The following NAA50 variants were observed in gnomAD, a reference collection of about 807,000 sequenced individuals.
NAA50 encodes N-alpha-acetyltransferase 50, NatE catalytic subunit, also known as N-alpha-acetyltransferase 50.
A neutral mutation model predicts 20.7 loss-of-function variants in NAA50; 7 were observed. The observed-to-expected ratio is 0.34, with a 90% CI of 0.19 to 0.63. The LOEUF (loss-of-function observed/expected upper bound fraction) is 0.63. Ranked by LOEUF, NAA50 falls within the 30% of genes least tolerant of loss-of-function variation. The pLI is 0.75. For missense variants in NAA50, 111 were observed against 199.1 expected (o/e 0.56, Z 2.66); for synonymous variants, 54 against 70.6 (o/e 0.77, Z 1.18).
At chr3:113,725,811 A>T (rs767741740) in intron 1 of NAA50, among the ~76,000 whole-genome samples, 5 of 131,022 alleles carry the variant, frequency 3.8e-5, no homozygotes, top group Non-Finnish European at 6.6e-5. Flanking sequence ...GAAATTTCTA[A>T]ATTTGATTTA....
At chr3:113,745,855 C>A in intron 1 of NAA50, 87 bp downstream of exon 1, 1 of 1,472,822 alleles carries the variant, frequency 6.8e-7, no homozygotes, top group Non-Finnish European at 9.2e-7. Flanking sequence ...CCCTGAATCT[C>A]TCCTCGCCTT....
At chr3:113,727,954 A>C (rs2107987192) in intron 1 of NAA50, among the ~76,000 whole-genome samples, 1 of 152,288 alleles carries the variant, frequency 6.6e-6, no homozygotes, top group East Asian at 1.9e-4. Context: ...GATATGTCTG[A>C]CTGAAATGGA....
At chr3:113,742,854 A>G (rs563534789) in intron 1 of NAA50, among the ~76,000 whole-genome samples, 1 of 152,316 alleles carries the variant, frequency 6.6e-6, no homozygotes, top group Non-Finnish European at 1.5e-5. Flanking sequence ...ATTGAAGGCT[A>G]AATGATTTGG....
At chr3:113,724,931 G>T (rs1220680764) in intron 1 of NAA50, among the ~76,000 whole-genome samples, 5 of 152,084 alleles carry the variant, frequency 3.3e-5, no homozygotes, top group Non-Finnish European at 2.9e-5. Flanking sequence ...CATGTTTATA[G>T]GTTTCCTGAG....
Position 113,717,939 on chromosome 3 carries a change from A to C in NAA50, c.*3821T>G, listed in dbSNP as rs749492896. ...TGAGCAGTGATAGCCAGTCTCCTAG[A>C]GGGCCCAATGATATCCACCTCCCAG... On this transcript the variant is annotated 3_prime_UTR_variant, in exon 5 of 5. Coordinates refer to ENST00000240922, the MANE Select transcript of NAA50 (RefSeq NM_025146.4). 4 of 152,394 alleles carry C rather than the reference A, an allele frequency of 2.6e-5. No homozygotes were observed. Among genetic ancestry groups the C allele is most frequent in the African/African-American group, 9.7e-5 (4 of 41,434 alleles). 9.4% of individuals were successfully genotyped at this position (152,394 alleles called of 1,614,324 possible).
At chr3:113,727,631 CTTT>C (rs748920211) in intron 1 of NAA50, among the ~76,000 whole-genome samples, 3 of 143,380 alleles carry the variant, frequency 2.1e-5, no homozygotes, top group Non-Finnish European at 4.6e-5. Context: ...AAATACATGC[CTTT>C]TTTTTTTTTA....
intron 1 of NAA50, among the ~76,000 whole-genome samples, chr3:113,730,647 A>G (rs894959831): frequency 6.6e-6 from 1 of 152,106 alleles, no homozygotes; most frequent in Non-Finnish European, 1.5e-5. Context: ...CTGTTCCCCA[A>G]AGTTTTGCCT....
At chr3:113,735,684 T>A (rs1045510546) in intron 1 of NAA50, among the ~76,000 whole-genome samples, 1 of 152,122 alleles carries the variant, frequency 6.6e-6, no homozygotes, top group Non-Finnish European at 1.5e-5. Flanking sequence ...ACCCACAGGT[T>A]TTTTGTTTGT....
intron 1 of NAA50, among the ~76,000 whole-genome samples, chr3:113,736,951 T>C (rs1708351609): frequency 6.6e-6 from 1 of 152,236 alleles, no homozygotes; most frequent in East Asian, 1.9e-4. Flanking sequence ...GCCTGTTCAT[T>C]TGTTGTGCAG....
intron 1 of NAA50, among the ~76,000 whole-genome samples, chr3:113,728,599 T>C (rs571711223): frequency 6.6e-6 from 1 of 152,350 alleles, no homozygotes; most frequent in Admixed American, 6.5e-5. Flanking sequence ...AGTATGCTTG[T>C]GTATAAATGC....
chr3:113,741,981 C>T (rs1708422275), intron 1 of NAA50, among the ~76,000 whole-genome samples: 1 of 152,060 alleles, frequency 6.6e-6, no homozygotes, highest in Admixed American at 6.5e-5. Context: ...TAAATTACTT[C>T]CCTTTTATTT....
chr3:113,742,297 T>G (rs546820423), intron 1 of NAA50, among the ~76,000 whole-genome samples: 177 of 152,348 alleles, frequency 1.2e-3, no homozygotes, highest in African/African-American at 4.0e-3. Flanking sequence ...GTTTTCGCTC[T>G]GTTGCCCAGG....
At position 113,721,208 on chromosome 3, in the gene NAA50, T is replaced by C. The variant is rs1708130725; in HGVS notation, c.*552A>G. On this transcript the variant is annotated 3_prime_UTR_variant, in exon 5 of 5. Transcript: ENST00000240922. ...AGATATAATTACTTAAAAATCAACA[T>C]AAGCTTAGTATTTCTTACAAGGATA... is the stretch of plus-strand genomic sequence containing the variant. The C allele has an allele frequency of 6.5e-6, 1 of 153,062 alleles. No homozygotes were observed. The highest frequency in any genetic ancestry group is 1.9e-4 in the East Asian group (1 of 5,210). The allele number at this position is 153,062 out of a possible 1,614,324, so 9.5% of individuals were successfully genotyped here.
chr3:113,732,347 G>A (rs973444294), intron 1 of NAA50, among the ~76,000 whole-genome samples: 1 of 152,196 alleles, frequency 6.6e-6, no homozygotes, highest in African/African-American at 2.4e-5. Flanking sequence ...GAAGCTGGAA[G>A]AGCCAAGGAA....
At chr3:113,732,238 A>C (rs1454395589) in intron 1 of NAA50, among the ~76,000 whole-genome samples, 1 of 152,208 alleles carries the variant, frequency 6.6e-6, no homozygotes, top group Non-Finnish European at 1.5e-5. Context: ...GAGATATGAC[A>C]ACAGAATACT....
Position 113,721,957 on chromosome 3 carries a change from C to A in NAA50, c.333-20G>T, listed in dbSNP as rs1414608571. 6.3e-7 allele frequency: 1 copy of A among 1,586,108 alleles called. No individual in the cohort carries two copies. Among genetic ancestry groups the A allele is most frequent in the Admixed American group, 1.9e-5 (1 of 52,406 alleles). On this transcript the variant is annotated intron_variant, in intron 4 of 4. Coordinates refer to ENST00000240922, the MANE Select transcript of NAA50 (RefSeq NM_025146.4). ...ACATGCCTGAGATATAAGAGAGTATCAGAAAAAAAATTAAAATTAAGGTTT... is the reference window on the plus strand; with the variant it reads ...ACATGCCTGAGATATAAGAGAGTATAAGAAAAAAAATTAAAATTAAGGTTT...
At chr3:113,725,776 A>C (rs1246203037) in intron 1 of NAA50, among the ~76,000 whole-genome samples, 2 of 151,820 alleles carry the variant, frequency 1.3e-5, no homozygotes, top group African/African-American at 4.9e-5. Context: ...AAAACAAAAA[A>C]CAGCAATAAT....
chr3:113,724,606 CCA>C (rs545140668), intron 1 of NAA50: 1 of 152,156 alleles, frequency 6.6e-6, no homozygotes, highest in Non-Finnish European at 1.5e-5. Context: ...ATTTTCAGAA[CCA>C]GAGTTGCTGG....
In NAA50 at chr3:113,746,138, G is replaced by A. The variant is rs990220187; in HGVS notation, c.-189C>T. ...GGGCTTGAGTCTGGTGGGGGCGGGAGTGTCTCCCGCCGCCGCGCTTGTGCC... is the reference window on the plus strand; with the variant it reads ...GGGCTTGAGTCTGGTGGGGGCGGGAATGTCTCCCGCCGCCGCGCTTGTGCC... On this transcript the variant is annotated 5_prime_UTR_variant, in exon 1 of 5. Transcript: ENST00000240922. 26 of 637,510 alleles carry A rather than the reference G, an allele frequency of 4.1e-5. No individual in the cohort carries two copies. In the Admixed American group the frequency reaches 4.4e-4, roughly 11 times the overall value. 39.5% of individuals were successfully genotyped at this position (637,510 alleles called of 1,614,324 possible).
Sources: allele counts gnomAD v4.1 joint callset (sites outside exome capture counted in the v4.1 genomes callset), GRCh38; gene constraint gnomAD v4.1.1; transcripts MANE v1.5; gene names NCBI Gene and HGNC (gene_info 2026-07-23, HGNC 2026-07-21).